TBC1D2B: variants seen among roughly 807,000 people sequenced by gnomAD.
TBC1D2B encodes the protein TBC1 domain family member 2B, also known as TBC1 domain family, member 2B.
A neutral mutation model predicts 100.8 loss-of-function variants in TBC1D2B; 64 were observed. The ratio of observed to expected loss-of-function variants is 0.64; its 90% CI spans 0.52 to 0.78. The LOEUF (loss-of-function observed/expected upper bound fraction) is 0.78, where lower values mean the gene tolerates loss of function less well. Among genes scored for constraint, TBC1D2B ranks in the 30% least tolerant of loss-of-function variants. The probability of loss-of-function intolerance (pLI) is 0.00; values close to 1 mark genes in which losing one functional copy is unlikely to be tolerated. For synonymous variants in TBC1D2B, 480 were observed against 479.7 expected, an observed-to-expected ratio of 1.00 and a Z score of -0.01; for missense variants, 1,052 against 1,218.4, an observed-to-expected ratio of 0.86 and a Z score of 2.03.
chr15:77,996,385 G>A lies in TBC1D2B; in HGVS notation c.*1775C>T, dbSNP rs76398134. 23,139 of 151,624 alleles carry A rather than the reference G, an allele frequency of 0.15. 1,931 individuals are homozygous for A. Among genetic ancestry groups the A allele is most frequent in the Non-Finnish European group, 0.19 (13,236 of 67,968 alleles). 9.4% of individuals were successfully genotyped at this position (151,624 alleles called of 1,614,324 possible). ...TTCCTGCTGCACCTCCTCAGCAGCC[G>A]CCCCCCAGGCTGACAGCTGTCGTTT... is the stretch of plus-strand genomic sequence containing the variant. On this transcript the variant is annotated 3_prime_UTR_variant, in exon 13 of 13. Transcript: ENST00000300584.
intron 4 of TBC1D2B, among the ~76,000 whole-genome samples, 172 bp downstream of exon 4, chr15:78,029,835 C>T (rs1291534528): frequency 2.0e-5 from 3 of 152,162 alleles, no homozygotes; most frequent in African/African-American, 7.2e-5. Context: ...TTTCTTATAA[C>T]GTTTATTAAA....
chr15:78,045,022 A>C lies in TBC1D2B; in HGVS notation c.561T>G (p.Asn187Lys). The C allele has an allele frequency of 6.2e-7, 1 of 1,612,744 alleles. No individual in the cohort carries two copies. The highest frequency in any genetic ancestry group is 8.5e-7 in the Non-Finnish European group (1 of 1,179,186). The change falls in exon 3 of 13, where the codon AAT (asparagine) becomes AAG (lysine). Residue 187 changes from asparagine (N) to lysine (K), a missense_variant. Physicochemically the swap from Asn to Lys is moderately conservative, Grantham distance 94 (BLOSUM62 0). Transcript: ENST00000300584. ...CAGGCACAGTCTCCACAGCTAGGACATTTCTGGCTTTTTCTGCAGAAGCAT... is the reference window on the plus strand; with the variant it reads ...CAGGCACAGTCTCCACAGCTAGGACCTTTCTGGCTTTTTCTGCAGAAGCAT... ...HPNASAEKAR[N>K]VLAVETVPGE...
chr15:78,040,854 G>GAAA (rs1414917766), intron 3 of TBC1D2B, among the ~76,000 whole-genome samples: 57 of 131,338 alleles, frequency 4.3e-4, no homozygotes, highest in Middle Eastern at 3.5e-3. Flanking sequence ...AAGAAAGAAA[G>GAAA]GAAGAAAGAA....
At chr15:78,038,590 T>C (rs781144083) in intron 3 of TBC1D2B, among the ~76,000 whole-genome samples, 3 of 152,192 alleles carry the variant, frequency 2.0e-5, no homozygotes, top group East Asian at 1.9e-4. Flanking sequence ...AGGCAGTCGA[T>C]TGAATTGATT....
intron 2 of TBC1D2B, among the ~76,000 whole-genome samples, chr15:78,051,812 T>C (rs1291264740): frequency 6.6e-6 from 1 of 152,224 alleles, no homozygotes; most frequent in African/African-American, 2.4e-5. Context: ...TTGAACCAGA[T>C]TTTATCTCTG....
chr15:78,016,652 C>T lies in TBC1D2B; in HGVS notation c.1669G>A (p.Asp557Asn), dbSNP rs767726812. ...ATGACCTCCCGGGTGGGCCCCTGGT[C>T]TTCTGAGCACACTGGTGTCTTCATT... ...QEMKTPVCSE[D>N]QGPTREVIAQ... Residue 557 changes from aspartate (D) to asparagine (N), a missense_variant, in exon 8 of 13, where the codon GAC becomes AAC. Asp to Asn is a conservative substitution (Grantham distance 23). Coordinates refer to ENST00000300584, the MANE Select transcript of TBC1D2B (RefSeq NM_144572.2). 6.2e-7 allele frequency: 1 copy of T among 1,612,098 alleles called. No homozygotes were observed. The highest frequency in any genetic ancestry group is 8.5e-7 in the Non-Finnish European group (1 of 1,179,130).
At chr15:78,072,790 C>T (rs1053641737) in intron 1 of TBC1D2B, among the ~76,000 whole-genome samples, 1 of 152,196 alleles carries the variant, frequency 6.6e-6, no homozygotes, top group Non-Finnish European at 1.5e-5. Flanking sequence ...CCCCTAAGTG[C>T]CTCAGATTCC....
chr15:78,009,257 T>C, intron 9 of TBC1D2B, 143 bp from the exon 10 acceptor site: 1 of 626,440 alleles, frequency 1.6e-6, no homozygotes, highest in Non-Finnish European at 2.8e-6. Context: ...AATAAGGACC[T>C]GGCTTAATGG....
intron 2 of TBC1D2B, among the ~76,000 whole-genome samples, chr15:78,048,242 A>C (rs150720761): frequency 4.7e-4 from 71 of 152,340 alleles, no homozygotes; most frequent in East Asian, 3.9e-4. Flanking sequence ...CTTGAAAAAG[A>C]AGCTCTTTTC....
intron 8 of TBC1D2B, among the ~76,000 whole-genome samples, chr15:78,016,139 T>C (rs1416430954): frequency 1.3e-5 from 2 of 152,090 alleles, no homozygotes; most frequent in South Asian, 2.1e-4. Flanking sequence ...CCAGATTTAG[T>C]GCTTTCCCCA....
Position 78,016,578 on chromosome 15 carries a change from C to T in TBC1D2B, c.1743G>A (p.Pro581=), listed in dbSNP as rs376261379. Residue 581 remains proline, a synonymous_variant, in exon 8 of 13, where the codon CCG becomes CCA. Coordinates refer to ENST00000300584, the MANE Select transcript of TBC1D2B (RefSeq NM_144572.2). The part of the protein sequence containing the change: ...DALQVESQEQ[P]EQAFVKPHLV... ...GATGAGGTTTAACAAATGCTTGCTC[C>T]GGCTGCTCTTGGCTCTCAACCTGCA... 2.9e-5 allele frequency: 46 copies of T among 1,612,756 alleles called. No homozygotes were observed. Among genetic ancestry groups the T allele is most frequent in the African/African-American group, 4.0e-5 (3 of 74,902 alleles).
chr15:78,037,934 G>A (rs1396939574), intron 3 of TBC1D2B, among the ~76,000 whole-genome samples: 1 of 152,160 alleles, frequency 6.6e-6, no homozygotes, highest in Non-Finnish European at 1.5e-5. Context: ...GTGTCAGAAG[G>A]TAACATCCTG....
chr15:78,063,957 A>C (rs1326854780), intron 1 of TBC1D2B, among the ~76,000 whole-genome samples: 1 of 152,048 alleles, frequency 6.6e-6, no homozygotes, highest in Non-Finnish European at 1.5e-5. Flanking sequence ...TTGCTGTCTC[A>C]GTCTCTCCTC....
chr15:78,041,609 C>T (rs1026815752), intron 3 of TBC1D2B, among the ~76,000 whole-genome samples: 4 of 152,162 alleles, frequency 2.6e-5, no homozygotes, highest in Non-Finnish European at 5.9e-5. Flanking sequence ...ATTTATAATA[C>T]AGTAATCTAT....
At chr15:78,003,561 G>C in intron 10 of TBC1D2B, 71 bp from the exon 11 acceptor site, 1 of 1,219,190 alleles carries the variant, frequency 8.2e-7, no homozygotes, top group Non-Finnish European at 1.2e-6. Context: ...GAGCAGACGC[G>C]CAACCTGAGA....
Position 78,001,640 on chromosome 15 carries a change from G to A in TBC1D2B, c.2675C>T (p.Thr892Ile), listed in dbSNP as rs1461833688. 1 of 1,609,308 alleles carries A rather than the reference G, an allele frequency of 6.2e-7. No individual in the cohort carries two copies. The highest frequency in any genetic ancestry group is 8.5e-7 in the Non-Finnish European group (1 of 1,177,856). The change falls in exon 12 of 13, where the codon ACT becomes ATT. Residue 892 changes from threonine to isoleucine, a missense_variant. Thr to Ile is a moderately conservative substitution (Grantham distance 89). Around this residue, in one of 4 missense-constraint regions of TBC1D2B, gnomAD observed 373 missense variants for 464.9 expected, o/e 0.80. Coordinates refer to ENST00000300584, the MANE Select transcript of TBC1D2B (RefSeq NM_144572.2). ...TCACCTAGCATCAAGGATAGTGCGA[G>A]TGAAGTAGCGGAGATACTTAAATAT... ...MSIFKYLRYF[T>I]RTILDARKLI...
chr15:78,012,904 T>C lies in TBC1D2B; in HGVS notation c.2189A>G (p.Glu730Gly), dbSNP rs565167596. ...NNKHYSCPTSEGIQKLRNVLL... is the reference protein window; with the variant it reads ...NNKHYSCPTSGGIQKLRNVLL... The stretch of plus-strand genomic sequence containing the variant: ...GACATTGCGTAACTTCTGTATGCCT[T>C]CTGAGGTGGGGCAGGAGTAATGTTT... Residue 730 changes from glutamate (E) to glycine (G), a missense_variant, in exon 9 of 13, where the codon GAA becomes GGA. Coordinates refer to ENST00000300584, the MANE Select transcript of TBC1D2B (RefSeq NM_144572.2). 5.5e-5 allele frequency: 84 copies of C among 1,533,172 alleles called. 2 individuals are homozygous for C. The South Asian group carries it at 1.0e-3, about 19-fold the overall frequency. The allele number at this position is 1,533,172 out of a possible 1,614,324, so 95.0% of individuals were successfully genotyped here. A position where few individuals can be genotyped will look rare whatever the true frequency, so the allele number is the denominator to read the frequency against.
rs142452030 is a variant in TBC1D2B at position 78,013,098 on chromosome 15, G to C, written c.1995C>G (p.His665Gln). Reference protein sequence around the residue: ...LKNLIRAGIPHEHRSKVWKWC... With the variant: ...LKNLIRAGIPQEHRSKVWKWC... The stretch of plus-strand genomic sequence containing the variant: ...ACTTCCACACCTTGGAACGGTGCTC[G>C]TGGGGAATGCCCGCACGGATGAGGT... The change falls in exon 9 of 13, where the codon CAC (histidine) becomes CAG (glutamine). Residue 665 changes from histidine (H) to glutamine (Q), a missense_variant. Coordinates refer to ENST00000300584, the MANE Select transcript of TBC1D2B (RefSeq NM_144572.2). The C allele has an allele frequency of 6.2e-7, 1 of 1,613,884 alleles. No individual in the cohort carries two copies. The highest frequency in any genetic ancestry group is 1.3e-5 in the African/African-American group (1 of 74,900).
chr15:78,061,394 G>A (rs1429072395), intron 1 of TBC1D2B, among the ~76,000 whole-genome samples: 2 of 151,876 alleles, frequency 1.3e-5, no homozygotes, highest in Non-Finnish European at 2.9e-5. Context: ...CCAACATGGT[G>A]AAATCCCCTC....
Sources: gnomAD v4.1 joint callset for allele counts (sites outside exome capture counted in the v4.1 genomes callset) on GRCh38, gnomAD v4.1.1 for gene constraint, gnomAD v4.1.1 regional missense constraint, MANE v1.5 for transcripts, NCBI Gene and HGNC (gene_info 2026-07-23, HGNC 2026-07-21) for gene names.